The following RIMBP2 variants were observed in gnomAD, a reference collection of about 807,000 sequenced individuals.
The protein encoded by RIMBP2 is RIMS binding protein 2.
Under a neutral mutation model 118.6 loss-of-function variants are expected in RIMBP2, and 48 were observed. The observed-to-expected ratio is 0.40, with a 90% CI of 0.32 to 0.51. The LOEUF (loss-of-function observed/expected upper bound fraction) is 0.51, where lower values mean the gene tolerates loss of function less well. RIMBP2 is among the 20% of genes least tolerant of loss of function. The pLI is 0.41. For missense variants in RIMBP2, 1,551 were observed against 1,768.3 expected, an observed-to-expected ratio of 0.88 and a Z score of 2.20; for synonymous variants, 762 against 742.9, an observed-to-expected ratio of 1.03 and a Z score of -0.42.
chr12:130,483,579 A>G (rs1289710543), intron 4 of RIMBP2, among the ~76,000 whole-genome samples: 1 of 151,924 alleles, frequency 6.6e-6, no homozygotes, highest in Non-Finnish European at 1.5e-5. Flanking sequence ...CTCACACCAG[A>G]GACAGAGCCC....
intron 2 of RIMBP2, among the ~76,000 whole-genome samples, chr12:130,585,599 G>A (rs577587423): frequency 5.0e-5 from 7 of 140,340 alleles, no homozygotes; most frequent in Non-Finnish European, 7.6e-5. Context: ...CCTGGGTGAC[G>A]GTGAGACCCT....
rs374721120 is a variant in RIMBP2, at chr12:130,606,732, G to A, written c.-217+21590C>T. 7.9e-5 allele frequency among the ~76,000 whole-genome samples: 12 copies of A among 152,282 alleles called. No individual in the cohort carries two copies. The East Asian group carries it at 1.9e-3, about 25-fold the overall frequency. On this transcript the variant is annotated intron_variant, in intron 2 of 22. Coordinates refer to ENST00000690449, the MANE Select transcript of RIMBP2 (RefSeq NM_001393629.1). The stretch of plus-strand genomic sequence containing the variant: ...TCCTCACCTTCTAAATATGACCTGT[G>A]TGAAGAATTCTGCCCTGGTCCTACA...
At chr12:130,713,770 A>G (rs1285848075) in intron 1 of RIMBP2, among the ~76,000 whole-genome samples, 1 of 152,214 alleles carries the variant, frequency 6.6e-6, no homozygotes, top group East Asian at 1.9e-4. Context: ...CTCCCGGGTC[A>G]GGCCCTCTGG....
chr12:130,636,775 T>G (rs1255674882), intron 1 of RIMBP2, among the ~76,000 whole-genome samples: 3 of 152,174 alleles, frequency 2.0e-5, no homozygotes, highest in African/African-American at 7.2e-5. Context: ...AGAAACCAAG[T>G]CCTGACAGCA....
chr12:130,592,933 C>T (rs962201367), intron 2 of RIMBP2, among the ~76,000 whole-genome samples: 20 of 152,204 alleles, frequency 1.3e-4, no homozygotes, highest in African/African-American at 4.8e-4. Context: ...CTGGCCTCAT[C>T]TTCCATACTG....
intron 3 of RIMBP2, among the ~76,000 whole-genome samples, chr12:130,509,731 C>CCCCCA (rs1267379961): frequency 2.0e-5 from 3 of 150,812 alleles, no homozygotes; most frequent in Non-Finnish European, 2.9e-5. Context: ...CCTCTGCCCC[C>CCCCCA]CCGCCCCGGC....
chr12:130,675,023 C>T (rs1392498128), intron 1 of RIMBP2, among the ~76,000 whole-genome samples: 3 of 152,146 alleles, frequency 2.0e-5, no homozygotes, highest in Admixed American at 1.3e-4. Context: ...TGTAGAGGGG[C>T]GTGCAGTGAG....
rs548097676 is a variant in RIMBP2 at position 130,614,841 on chromosome 12, T to C, written c.-217+13481A>G. On this transcript the variant is annotated intron_variant, in intron 2 of 22. Coordinates refer to ENST00000690449, the MANE Select transcript of RIMBP2 (RefSeq NM_001393629.1). ...TGAGTAAAACAAGTTATCAAATATATATATATAAAATACAGATATATAAAA... is the reference window on the plus strand; with the variant it reads ...TGAGTAAAACAAGTTATCAAATATACATATATAAAATACAGATATATAAAA... 4.5e-4 allele frequency among the ~76,000 whole-genome samples: 68 copies of C among 150,762 alleles called. 1 individual carries two copies. The South Asian group carries it at 0.014, about 31-fold the overall frequency.
At position 130,623,848 on chromosome 12, in the gene RIMBP2, A is replaced by G. The variant is rs993817665; in HGVS notation, c.-217+4474T>C. ...CCTCATCCCTCAAGCAGATAATCCC[A>G]CGGTGTACACCACAGTCTCCCAGAG... On this transcript the variant is annotated intron_variant, in intron 2 of 22. Coordinates refer to ENST00000690449, the MANE Select transcript of RIMBP2 (RefSeq NM_001393629.1). The surrounding 1 kb of genome is among the most constrained non-coding windows in gnomAD (Gnocchi z 4.1). Among the ~76,000 whole-genome samples the G allele has an allele frequency of 9.9e-5, 15 of 152,092 alleles. No individual in the cohort carries two copies. The highest frequency in any genetic ancestry group is 3.6e-4 in the African/African-American group (15 of 41,426).
At chr12:130,593,877 A>G (rs1371542265) in intron 2 of RIMBP2, among the ~76,000 whole-genome samples, 1 of 152,126 alleles carries the variant, frequency 6.6e-6, no homozygotes, top group Non-Finnish European at 1.5e-5. Context: ...TCCTTTCCCA[A>G]TCGCTACAAC....
At chr12:130,457,163 T>C (rs2079525525) in intron 6 of RIMBP2, among the ~76,000 whole-genome samples, 1 of 152,114 alleles carries the variant, frequency 6.6e-6, no homozygotes, top group South Asian at 2.1e-4. Context: ...GCAGCTCAGG[T>C]GCTGTCCCAT....
chr12:130,432,791 C>T (rs970249303), intron 14 of RIMBP2, among the ~76,000 whole-genome samples: 1 of 152,158 alleles, frequency 6.6e-6, no homozygotes, highest in African/African-American at 2.4e-5. Flanking sequence ...GTTGTTTGAG[C>T]CACCTGATCT....
rs1157174030 is a variant in RIMBP2 at position 130,422,412 on chromosome 12, C to T, written c.3238+41G>A. 3 of 1,411,670 alleles carry T rather than the reference C, an allele frequency of 2.1e-6. No homozygotes were observed. Among genetic ancestry groups the T allele is most frequent in the Non-Finnish European group, 3.0e-6 (3 of 1,005,040 alleles). The allele number at this position is 1,411,670 out of a possible 1,614,324, so 87.4% of individuals were successfully genotyped here. On this transcript the variant is annotated intron_variant, in intron 17 of 22. Coordinates refer to ENST00000690449, the MANE Select transcript of RIMBP2 (RefSeq NM_001393629.1). This position sits in a 1 kb window ranked among gnomAD's most constrained non-coding sequence, Gnocchi z 5.2. ...TAGATGGAGTAAGCAGCCACATGCT[C>T]CGCGGCTGAAAGACACAACAGCGAT...
At chr12:130,528,523 G>T (rs975558166) in intron 2 of RIMBP2, among the ~76,000 whole-genome samples, 2 of 152,152 alleles carry the variant, frequency 1.3e-5, no homozygotes, top group Non-Finnish European at 2.9e-5. Context: ...CCTAGGTGAT[G>T]AGTTGATAGG....
chr12:130,663,496 AG>A (rs2063745519), intron 1 of RIMBP2, among the ~76,000 whole-genome samples: 1 of 151,816 alleles, frequency 6.6e-6, no homozygotes, highest in Non-Finnish European at 1.5e-5. Context: ...AGTAAAAATT[AG>A]GTTTATAAAA....
chr12:130,404,331 A>T (rs1461708941), intron 21 of RIMBP2, among the ~76,000 whole-genome samples: 1 of 152,148 alleles, frequency 6.6e-6, no homozygotes, highest in Non-Finnish European at 1.5e-5. Flanking sequence ...ACGGAGTTTC[A>T]CTGTCACCCA....
chr12:130,471,515 A>G (rs748264308), intron 5 of RIMBP2, among the ~76,000 whole-genome samples: 3 of 152,136 alleles, frequency 2.0e-5, no homozygotes, highest in Non-Finnish European at 2.9e-5. Flanking sequence ...GAGTCTCACT[A>G]ACTTTTCTGC....
intron 1 of RIMBP2, among the ~76,000 whole-genome samples, chr12:130,706,702 A>C (rs766955146): frequency 6.6e-6 from 1 of 152,238 alleles, no homozygotes; most frequent in Non-Finnish European, 1.5e-5. Context: ...TTTGACAGTT[A>C]AATGAGCTAG....
chr12:130,591,554 T>C (rs926020762), intron 2 of RIMBP2, among the ~76,000 whole-genome samples: 2 of 148,172 alleles, frequency 1.3e-5, no homozygotes, highest in Non-Finnish European at 3.0e-5. Context: ...TCATCAGGGC[T>C]GGGCTCCCTT....
Sources: gnomAD v4.1 joint callset for allele counts (sites outside exome capture counted in the v4.1 genomes callset) on GRCh38, gnomAD v4.1.1 for gene constraint, Gnocchi (gnomAD v3.1) non-coding constraint, MANE v1.5 for transcripts, NCBI Gene and HGNC (gene_info 2026-07-23, HGNC 2026-07-21) for gene names.